The following NOX4 variants were observed in gnomAD, a reference collection of about 807,000 sequenced individuals.
NOX4 encodes NADPH oxidase 4.
NOX4 carries 69 observed loss-of-function variants against 87.6 expected under a neutral mutation model. The observed-to-expected ratio is 0.79, with a 90% CI of 0.65 to 0.96. The LOEUF is 0.96. Among genes scored for constraint, NOX4 ranks in the 40% least tolerant of loss-of-function variants. NOX4 has a pLI of 0.00. For missense variants in NOX4, 680 were observed against 681.5 expected (o/e 1.00, Z 0.02); for synonymous variants, 275 against 238.2 (o/e 1.15, Z -1.42).
chr11:89,353,587 A>G, intron 13 of NOX4, among the ~76,000 whole-genome samples: 1 of 152,234 alleles, frequency 6.6e-6, no homozygotes, highest in East Asian at 1.9e-4. Context: ...AAACTTAAAA[A>G]AAAGTGTGAC....
chr11:89,523,173 G>A, the NOX4 span, among the ~76,000 whole-genome samples: 2 of 152,096 alleles, frequency 1.3e-5, no homozygotes. Flanking sequence ...ACAGGCACGT[G>A]TCACCAAACC....
chr11:89,407,986 A>AC (rs1555017894), intron 8 of NOX4, among the ~76,000 whole-genome samples: 4 of 151,578 alleles, frequency 2.6e-5, no homozygotes, highest in African/African-American at 9.7e-5. Context: ...TTATAATATG[A>AC]TTTTTTTTCT....
At chr11:89,468,579 C>T (rs1224511760) in intron 2 of NOX4, among the ~76,000 whole-genome samples, 1 of 152,070 alleles carries the variant, frequency 6.6e-6, no homozygotes, top group East Asian at 1.9e-4. Context: ...CATGAATTTC[C>T]TATTAAACAA....
At chr11:89,381,613 T>C (rs2135096114) in intron 11 of NOX4, among the ~76,000 whole-genome samples, 1 of 152,324 alleles carries the variant, frequency 6.6e-6, no homozygotes, top group Admixed American at 6.5e-5. Flanking sequence ...ATTAAAAAGC[T>C]TTATTGCTTA....
intron 8 of NOX4, 75 bp from the exon 9 acceptor site, chr11:89,402,617 A>ATGTTTT (rs1018989529): frequency 1.3e-5 from 16 of 1,213,568 alleles, no homozygotes; most frequent in East Asian, 4.7e-5. Flanking sequence ...AAAGAAAATA[A>ATGTTTT]TGTTTTTGTT....
chr11:89,446,014 T>C (rs1944685243), intron 4 of NOX4, among the ~76,000 whole-genome samples: 1 of 152,028 alleles, frequency 6.6e-6, no homozygotes, highest in East Asian at 1.9e-4. Flanking sequence ...TAAAATTCAA[T>C]AACAAGAAAA....
intron 6 of NOX4, among the ~76,000 whole-genome samples, chr11:89,433,874 A>G (rs954291972): frequency 6.6e-6 from 1 of 152,072 alleles, no homozygotes; most frequent in Non-Finnish European, 1.5e-5. Context: ...TAACTGAAAA[A>G]CAATATCCTA....
At chr11:89,527,105 T>C in the NOX4 span, among the ~76,000 whole-genome samples, 1 of 152,196 alleles carries the variant, frequency 6.6e-6, no homozygotes, top group Non-Finnish European at 1.5e-5. Flanking sequence ...AAGAGACTGG[T>C]GAAATTTTGC....
At chr11:89,459,249 G>A (rs900580511) in intron 2 of NOX4, among the ~76,000 whole-genome samples, 3 of 151,966 alleles carry the variant, frequency 2.0e-5, no homozygotes, top group Admixed American at 6.6e-5. Flanking sequence ...TAAACACTGA[G>A]TAAACAGGAA....
upstream of NOX4, among the ~76,000 whole-genome samples, chr11:89,494,391 G>A (rs1407727455): frequency 3.9e-4 from 60 of 152,208 alleles, no homozygotes; most frequent in Non-Finnish European, 2.8e-4. Flanking sequence ...ATGCACTGGG[G>A]AAATACAATA....
chr11:89,504,694 A>G, the NOX4 span, among the ~76,000 whole-genome samples: 1 of 151,996 alleles, frequency 6.6e-6, no homozygotes, highest in Admixed American at 6.6e-5. Flanking sequence ...GTAGAATATT[A>G]TTTTGTGAAT....
intron 7 of NOX4, among the ~76,000 whole-genome samples, chr11:89,422,671 C>T (rs1943143133): frequency 6.6e-6 from 1 of 152,078 alleles, no homozygotes; most frequent in African/African-American, 2.4e-5. Flanking sequence ...TCTGATGCTT[C>T]CCATAGACTC....
chr11:89,584,330 G>A, the NOX4 span, among the ~76,000 whole-genome samples: 4 of 152,074 alleles, frequency 2.6e-5, no homozygotes, highest in South Asian at 2.1e-4. Flanking sequence ...TTGCTGCCCC[G>A]ATCACATTCC....
chr11:89,442,365 G>A (rs1211680695), intron 5 of NOX4, among the ~76,000 whole-genome samples: 1 of 152,044 alleles, frequency 6.6e-6, no homozygotes, highest in African/African-American at 2.4e-5. Flanking sequence ...AACTAAAAAT[G>A]TACAACCTTT....
At position 89,325,842 on chromosome 11, in the gene NOX4, G is replaced by A. The variant is rs1360465006; in HGVS notation, c.*914C>T. ...TGGGAAAAAAACAATAATAATAATAGAGACAAAAATGCTGAAAAAAGGGAA... is the reference window on the plus strand; with the variant it reads ...TGGGAAAAAAACAATAATAATAATAAAGACAAAAATGCTGAAAAAAGGGAA... On this transcript the variant is annotated 3_prime_UTR_variant, in exon 18 of 18. Transcript: ENST00000263317. The A allele has an allele frequency of 2.0e-5, 3 of 149,324 alleles. No homozygotes were observed. The highest frequency in any genetic ancestry group is 4.4e-5 in the Non-Finnish European group (3 of 67,452). The allele number at this position is 149,324 out of a possible 1,614,324, so 9.2% of individuals were successfully genotyped here.
At chr11:89,421,090 G>C (rs544556878) in intron 8 of NOX4, among the ~76,000 whole-genome samples, 3 of 152,082 alleles carry the variant, frequency 2.0e-5, no homozygotes, top group Non-Finnish European at 4.4e-5. Flanking sequence ...CAAATATAGG[G>C]ATTTCTACTT....
At chr11:89,341,324 T>A (rs2135384364) in intron 14 of NOX4, among the ~76,000 whole-genome samples, 1 of 152,174 alleles carries the variant, frequency 6.6e-6, no homozygotes, top group African/African-American at 2.4e-5. Context: ...GGTTTCACCA[T>A]GTTGGCCAGG....
intron 7 of NOX4, among the ~76,000 whole-genome samples, chr11:89,427,614 G>A (rs1943509475): frequency 6.6e-6 from 1 of 152,194 alleles, no homozygotes; most frequent in East Asian, 1.9e-4. Context: ...CTGGAAGAAA[G>A]GGTATCAGTG....
At chr11:89,438,870 TA>T (rs1214812930) in intron 6 of NOX4, among the ~76,000 whole-genome samples, 3 of 50,608 alleles carry the variant, frequency 5.9e-5, no homozygotes, top group African/African-American at 1.4e-4. Flanking sequence ...ATATATTATA[TA>T]TATAATATAT....
Sources: allele counts gnomAD v4.1 joint callset (sites outside exome capture counted in the v4.1 genomes callset), GRCh38; gene constraint gnomAD v4.1.1; transcripts MANE v1.5; gene names NCBI Gene and HGNC (gene_info 2026-07-23, HGNC 2026-07-21).